Variants in SH3BGRL2 observed in about 807,000 individuals in gnomAD.
The protein encoded by SH3BGRL2 is SH3 domain binding glutamate rich protein like 2, also known as SH3 domain-binding glutamic acid-rich-like protein 2.
In SH3BGRL2, 21 loss-of-function variants were observed where a neutral mutation model predicts 14.8. That is an observed-to-expected ratio of 1.42 (90% CI 1.01 to 2.05). The LOEUF is 2.05. Among genes scored for constraint, SH3BGRL2 ranks in the 30% most tolerant of loss-of-function variants. The probability of loss-of-function intolerance (pLI) is 0.00; values close to 1 mark genes in which losing one functional copy is unlikely to be tolerated. For missense variants in SH3BGRL2, 147 were observed against 130.8 expected (o/e 1.12, Z -0.61); for synonymous variants, 50 against 47.8 (o/e 1.05, Z -0.19).
chr6:79,614,644 T>C, the SH3BGRL2 span, among the ~76,000 whole-genome samples: 1 of 152,130 alleles, frequency 6.6e-6, no homozygotes. Flanking sequence ...ATAGACTAAG[T>C]GTGTCCTCCC....
intron 2 of SH3BGRL2, among the ~76,000 whole-genome samples, chr6:79,693,420 A>C (rs1562160011): frequency 6.6e-6 from 1 of 151,496 alleles, no homozygotes; most frequent in African/African-American, 2.4e-5. Flanking sequence ...GAGAGAGGGC[A>C]TCCCTGTCTT....
intron 1 of SH3BGRL2, among the ~76,000 whole-genome samples, chr6:79,636,749 G>C (rs1310733607): frequency 6.6e-6 from 1 of 152,000 alleles, no homozygotes; most frequent in Non-Finnish European, 1.5e-5. Flanking sequence ...GCATTCCTTG[G>C]CTTGTAGATG....
At chr6:79,583,032 T>C in the SH3BGRL2 span, among the ~76,000 whole-genome samples, 1 of 152,098 alleles carries the variant, frequency 6.6e-6, no homozygotes, top group Non-Finnish European at 1.5e-5. Flanking sequence ...ACAGAAAAAA[T>C]GCTCATCATC....
chr6:79,684,315 ATT>A (rs1770050833), intron 2 of SH3BGRL2, among the ~76,000 whole-genome samples: 2 of 151,942 alleles, frequency 1.3e-5, no homozygotes, highest in African/African-American at 4.8e-5. Flanking sequence ...GACTCTGGTT[ATT>A]ACTTCTTCTC....
the SH3BGRL2 span, among the ~76,000 whole-genome samples, chr6:79,583,609 C>G: frequency 6.6e-6 from 1 of 152,112 alleles, no homozygotes; most frequent in Non-Finnish European, 1.5e-5. Context: ...GAGCGGGGAA[C>G]ATCACACACC....
the SH3BGRL2 span, among the ~76,000 whole-genome samples, chr6:79,568,826 A>G: frequency 6.6e-6 from 1 of 151,986 alleles, no homozygotes; most frequent in Admixed American, 6.6e-5. Context: ...GGCTTATTTT[A>G]TTTTTCTTAT....
the SH3BGRL2 span, among the ~76,000 whole-genome samples, chr6:79,560,487 A>G: frequency 6.6e-6 from 1 of 152,142 alleles, no homozygotes; most frequent in Non-Finnish European, 1.5e-5. Flanking sequence ...GTTGTAATGT[A>G]TTATGAGCGT....
chr6:79,550,860 T>C, the SH3BGRL2 span, among the ~76,000 whole-genome samples: 1 of 152,200 alleles, frequency 6.6e-6, no homozygotes, highest in Non-Finnish European at 1.5e-5. Flanking sequence ...CTGTCTCATT[T>C]GTACTTCAGT....
intron 2 of SH3BGRL2, among the ~76,000 whole-genome samples, chr6:79,677,396 A>T (rs1214654214): frequency 6.6e-6 from 1 of 152,182 alleles, no homozygotes. Flanking sequence ...GCAGTTGTAT[A>T]TCTTGCCTTT....
chr6:79,639,566 G>A (rs1178922354), intron 1 of SH3BGRL2, among the ~76,000 whole-genome samples: 1 of 152,028 alleles, frequency 6.6e-6, no homozygotes. Flanking sequence ...CTCCAGCCTG[G>A]GTGACAAAGT....
chr6:79,583,947 A>G, the SH3BGRL2 span, among the ~76,000 whole-genome samples: 1 of 152,166 alleles, frequency 6.6e-6, no homozygotes, highest in Non-Finnish European at 1.5e-5. Flanking sequence ...CAAGAGGCCA[A>G]ATCGGATCTA....
intron 2 of SH3BGRL2, among the ~76,000 whole-genome samples, chr6:79,683,746 C>T (rs754401333): frequency 1.6e-4 from 25 of 152,308 alleles, no homozygotes; most frequent in Non-Finnish European, 2.5e-4. Flanking sequence ...CGTGCTCGGC[C>T]GTAAACATCC....
At chr6:79,652,138 A>G (rs1233612305) in intron 1 of SH3BGRL2, among the ~76,000 whole-genome samples, 3 of 152,178 alleles carry the variant, frequency 2.0e-5, no homozygotes, top group Non-Finnish European at 2.9e-5. Context: ...TGTGAAGAAT[A>G]AATAGAACTT....
the SH3BGRL2 span, among the ~76,000 whole-genome samples, chr6:79,573,124 A>G: frequency 6.6e-6 from 1 of 152,208 alleles, no homozygotes. Flanking sequence ...AAAAGTTTGA[A>G]GATTTTACTT....
intron 1 of SH3BGRL2, among the ~76,000 whole-genome samples, chr6:79,641,179 TG>T (rs1769027623): frequency 6.6e-6 from 1 of 150,606 alleles, no homozygotes; most frequent in Non-Finnish European, 1.5e-5. Flanking sequence ...TGTGTGTGTG[TG>T]TGTGTGTGTG....
intron 1 of SH3BGRL2, among the ~76,000 whole-genome samples, chr6:79,659,894 T>A (rs1769506298): frequency 7.1e-6 from 1 of 140,702 alleles, no homozygotes. Flanking sequence ...TTATTCTCTT[T>A]GTAGGAATTG....
At chr6:79,674,320 C>T (rs1424264657) in intron 2 of SH3BGRL2, among the ~76,000 whole-genome samples, 1 of 151,946 alleles carries the variant, frequency 6.6e-6, no homozygotes, top group Non-Finnish European at 1.5e-5. Context: ...CCAGAGGGAT[C>T]ATTAAGAATA....
At chr6:79,685,031 T>A (rs1770064398) in intron 2 of SH3BGRL2, among the ~76,000 whole-genome samples, 1 of 152,226 alleles carries the variant, frequency 6.6e-6, no homozygotes, top group Admixed American at 6.5e-5. Context: ...AATTAGATAT[T>A]CTCTGCTGTT....
chr6:79,699,836 C>A lies in SH3BGRL2; in HGVS notation c.*327C>A. The A allele has an allele frequency of 2.9e-6, 1 of 343,028 alleles. No individual in the cohort carries two copies. Among genetic ancestry groups the A allele is most frequent in the Non-Finnish European group, 5.2e-6 (1 of 192,548 alleles). 21.2% of individuals were successfully genotyped at this position (343,028 alleles called of 1,614,324 possible). A position where few individuals can be genotyped will look rare whatever the true frequency, so the allele number is the denominator to read the frequency against. ...CACCGTCAGAGAGAAAATGTTGGAT[C>A]TGCCCTAGGTTATAGTAGATGCCGG... is the stretch of plus-strand genomic sequence containing the variant. On this transcript the variant is annotated 3_prime_UTR_variant, in exon 4 of 4. Transcript: ENST00000369838.
Sources: allele counts gnomAD v4.1 joint callset (sites outside exome capture counted in the v4.1 genomes callset), GRCh38; gene constraint gnomAD v4.1.1; transcripts MANE v1.5; gene names NCBI Gene and HGNC (gene_info 2026-07-23, HGNC 2026-07-21).